The following TENM3 variants were observed in gnomAD, a reference collection of about 807,000 sequenced individuals.
TENM3 encodes the protein teneurin-3.
Under a neutral mutation model 255.1 loss-of-function variants are expected in TENM3, and 63 were observed. That is an observed-to-expected ratio of 0.25 (90% CI 0.20 to 0.30). TENM3 has a LOEUF of 0.30. TENM3 is among the 10% of genes least tolerant of loss of function. The probability of loss-of-function intolerance (pLI) is 1.00; values close to 1 mark genes in which losing one functional copy is unlikely to be tolerated. For missense variants in TENM3, 2,929 were observed against 3,461.1 expected, an observed-to-expected ratio of 0.85 and a Z score of 3.86; for synonymous variants, 1,306 against 1,322.3, an observed-to-expected ratio of 0.99 and a Z score of 0.27.
the TENM3 span, among the ~76,000 whole-genome samples, chr4:181,570,606 GAAGAAAGAGAAAGAAAGAAAGGA>G: frequency 6.6e-6 from 1 of 151,046 alleles, no homozygotes; most frequent in Admixed American, 6.6e-5. Flanking sequence ...AGAGAGGAAG[GAAGAAAGAGAAAGAAAGAAAGGA>G]AAGAAAGAGA....
At chr4:182,267,454 T>C (rs889437431) in intron 1 of TENM3, among the ~76,000 whole-genome samples, 3 of 152,202 alleles carry the variant, frequency 2.0e-5, no homozygotes, top group Admixed American at 1.3e-4. Flanking sequence ...ACTTAATTTT[T>C]AGAGCTGATA....
chr4:182,289,178 T>C (rs1236184906), intron 1 of TENM3, among the ~76,000 whole-genome samples: 1 of 152,212 alleles, frequency 6.6e-6, no homozygotes, highest in Non-Finnish European at 1.5e-5. Context: ...TTCAGTGAGC[T>C]GTGATTGCGC....
chr4:181,723,282 C>T, the TENM3 span, among the ~76,000 whole-genome samples: 4 of 150,576 alleles, frequency 2.7e-5, no homozygotes, highest in South Asian at 2.1e-4. Context: ...TACTGCATCT[C>T]GTGTGACCCT....
chr4:181,626,574 G>T, the TENM3 span, among the ~76,000 whole-genome samples: 1 of 151,892 alleles, frequency 6.6e-6, no homozygotes, highest in Non-Finnish European at 1.5e-5. Flanking sequence ...GGGGCGGGGA[G>T]GGGAGATGCC....
intron 3 of TENM3, among the ~76,000 whole-genome samples, chr4:182,482,635 C>T (rs1048150250): frequency 6.6e-6 from 1 of 152,136 alleles, no homozygotes; most frequent in African/African-American, 2.4e-5. Flanking sequence ...ATTTTGCTAA[C>T]CTGTGAAAAT....
intron 6 of TENM3, among the ~76,000 whole-genome samples, chr4:182,663,804 CTA>C (rs1256381544): frequency 7.1e-6 from 1 of 141,634 alleles, no homozygotes; most frequent in East Asian, 2.3e-4. Flanking sequence ...GCTGCCAGTT[CTA>C]TCACATTTCT....
intron 1 of TENM3, among the ~76,000 whole-genome samples, chr4:182,195,277 C>T (rs1469262207): frequency 6.6e-6 from 1 of 152,086 alleles, no homozygotes; most frequent in Non-Finnish European, 1.5e-5. Flanking sequence ...CTAGGGCAGG[C>T]CTTGATGGCT....
chr4:182,422,505 G>A (rs143413226), intron 3 of TENM3, among the ~76,000 whole-genome samples: 1 of 152,260 alleles, frequency 6.6e-6, no homozygotes, highest in African/African-American at 2.4e-5. Context: ...AATGCCTCAC[G>A]TGCAGGCTGC....
At chr4:182,745,987 C>T (rs1336492713) in intron 19 of TENM3, among the ~76,000 whole-genome samples, 1 of 152,150 alleles carries the variant, frequency 6.6e-6, no homozygotes, top group Non-Finnish European at 1.5e-5. Flanking sequence ...TCTGCATTTC[C>T]TTTATGTGCC....
intron 12 of TENM3, among the ~76,000 whole-genome samples, chr4:182,696,825 C>T (rs1394740638): frequency 1.3e-5 from 2 of 151,876 alleles, no homozygotes; most frequent in African/African-American, 4.8e-5. Flanking sequence ...TACTTTTATA[C>T]CTGATTTCAT....
At chr4:181,890,945 T>C in the TENM3 span, among the ~76,000 whole-genome samples, 1 of 152,212 alleles carries the variant, frequency 6.6e-6, no homozygotes, top group Admixed American at 6.5e-5. Context: ...AACTAATTCT[T>C]CTGAATCACT....
intron 12 of TENM3, among the ~76,000 whole-genome samples, chr4:182,712,715 C>A (rs551718896): frequency 1.3e-4 from 20 of 152,278 alleles, no homozygotes; most frequent in African/African-American, 4.8e-4. Flanking sequence ...ATGAATAATT[C>A]TTCTAACACA....
intron 3 of TENM3, among the ~76,000 whole-genome samples, chr4:182,434,545 C>T (rs982431664): frequency 1.3e-5 from 2 of 151,696 alleles, no homozygotes; most frequent in Non-Finnish European, 2.9e-5. Context: ...CACCTGTAGT[C>T]TCAGCTACTC....
At chr4:182,618,195 A>G (rs1352064640) in intron 4 of TENM3, among the ~76,000 whole-genome samples, 1 of 152,136 alleles carries the variant, frequency 6.6e-6, no homozygotes, top group Non-Finnish European at 1.5e-5. Context: ...CTAATCTCCC[A>G]TTGAGGAAAT....
chr4:181,622,332 A>G, the TENM3 span, among the ~76,000 whole-genome samples: 1 of 152,186 alleles, frequency 6.6e-6, no homozygotes, highest in Non-Finnish European at 1.5e-5. Context: ...ATTAAGCAGT[A>G]AAATACCAAG....
At chr4:182,022,032 A>G in the TENM3 span, among the ~76,000 whole-genome samples, 1 of 152,164 alleles carries the variant, frequency 6.6e-6, no homozygotes, top group Non-Finnish European at 1.5e-5. Context: ...CAGTAGTTCC[A>G]TTACTGGGTA....
chr4:182,581,608 G>A (rs1244194322), intron 3 of TENM3, among the ~76,000 whole-genome samples: 3 of 152,068 alleles, frequency 2.0e-5, no homozygotes, highest in African/African-American at 7.2e-5. Context: ...ATGATGGTGA[G>A]TGCCTATAAT....
the TENM3 span, among the ~76,000 whole-genome samples, chr4:181,656,892 C>G: frequency 6.6e-6 from 1 of 152,236 alleles, no homozygotes; most frequent in Non-Finnish European, 1.5e-5. Context: ...AGGTAGGTTT[C>G]TAAGCTCTTT....
intron 1 of TENM3, among the ~76,000 whole-genome samples, chr4:182,263,713 C>CT: frequency 6.6e-6 from 1 of 152,130 alleles, no homozygotes; most frequent in Non-Finnish European, 1.5e-5. Flanking sequence ...ACGGACAGTG[C>CT]TTTTTATTCG....
Sources: allele counts gnomAD v4.1 joint callset (sites outside exome capture counted in the v4.1 genomes callset), GRCh38; gene constraint gnomAD v4.1.1; transcripts MANE v1.5; gene names NCBI Gene and HGNC (gene_info 2026-07-23, HGNC 2026-07-21).